Variants in CCDC51 observed in about 807,000 individuals in gnomAD.
CCDC51 encodes coiled-coil domain containing 51, also known as mitochondrial potassium channel.
In CCDC51, 25 loss-of-function variants were observed where a neutral mutation model predicts 24.8. The ratio of observed to expected loss-of-function variants is 1.01; its 90% CI spans 0.73 to 1.41. The LOEUF is 1.41. Ranked by LOEUF, CCDC51 falls within the 40% of genes most tolerant of loss-of-function variation. The pLI, the probability that CCDC51 is intolerant of heterozygous loss-of-function variation, is 0.00. For synonymous variants in CCDC51, 190 were observed against 204.3 expected (o/e 0.93, Z 0.60); for missense variants, 466 against 519.1 (o/e 0.90, Z 0.99).
chr3:48,440,510 C>A, upstream of CCDC51: 1 of 1,605,916 alleles, frequency 6.2e-7, no homozygotes, highest in Non-Finnish European at 8.5e-7. Flanking sequence ...GGGAGACAGG[C>A]CTGAGTTGAA....
At chr3:48,438,059 A>C (rs972335668) in intron 1 of CCDC51, 1 of 151,796 alleles carries the variant, frequency 6.6e-6, no homozygotes, top group Non-Finnish European at 1.5e-5. Context: ...TCTGGCCTTC[A>C]CCTGCTCCTC....
intron 1 of CCDC51, among the ~76,000 whole-genome samples, chr3:48,436,746 C>T (rs2039367262): frequency 6.6e-6 from 1 of 152,236 alleles, no homozygotes; most frequent in Admixed American, 6.5e-5. Context: ...CTTCCTCCAA[C>T]CTTCTCAGCC....
rs747741845 is a variant in CCDC51 at position 48,433,107 on chromosome 3, G to A, written c.537C>T (p.Phe179=). The part of the protein sequence containing the change: ...LRAEDSEREK[F]SLFSAAVRES... ...CCCGCACAGCTGCAGAGAAGAGGGAGAACTTCTCTCGCTCAGAGTCTTCTG... is the reference window on the plus strand; with the variant it reads ...CCCGCACAGCTGCAGAGAAGAGGGAAAACTTCTCTCGCTCAGAGTCTTCTG... The change falls in exon 4 of 4, where the codon TTC becomes TTT. Residue 179 remains phenylalanine, a synonymous_variant. Coordinates refer to ENST00000395694, the MANE Select transcript of CCDC51 (RefSeq NM_001256964.2). This position sits in a 1 kb window ranked among gnomAD's most constrained non-coding sequence, Gnocchi z 4.4. 8.7e-6 allele frequency: 14 copies of A among 1,613,902 alleles called. No individual in the cohort carries two copies. The highest frequency in any genetic ancestry group is 1.2e-5 in the Non-Finnish European group (14 of 1,179,930).
rs529283500 is a variant in CCDC51 at position 48,434,847 on chromosome 3, C to G, written c.282G>C (p.Glu94Asp). 4.0e-5 allele frequency: 65 copies of G among 1,610,456 alleles called. No individual in the cohort carries two copies. Among genetic ancestry groups the G allele is most frequent in the Non-Finnish European group, 5.3e-5 (62 of 1,177,476 alleles). ...DRYEEFVGLN[E>D]VREAQGKVTE... The stretch of plus-strand genomic sequence containing the variant: ...TCACCTTTCCCTGGGCCTCTCGAAC[C>G]TCGTTGAGTCCAACAAACTCTTCAT... The change falls in exon 2 of 4, where the codon GAG becomes GAC. Residue 94 changes from glutamate (E) to aspartate (D), a missense_variant. Glu to Asp is a conservative substitution (Grantham distance 45). Coordinates refer to ENST00000395694, the MANE Select transcript of CCDC51 (RefSeq NM_001256964.2).
chr3:48,432,303 T>C lies in CCDC51; in HGVS notation c.*105A>G, dbSNP rs760064189. On this transcript the variant is annotated 3_prime_UTR_variant, in exon 4 of 4. Transcript: ENST00000395694. ...GCCACACAGATACTGCTCCTTCAGATTGAGGTTGTACATGCCCCCAAAGGC... is the reference window on the plus strand; with the variant it reads ...GCCACACAGATACTGCTCCTTCAGACTGAGGTTGTACATGCCCCCAAAGGC... The C allele has an allele frequency of 4.1e-5, 55 of 1,331,870 alleles. No homozygotes were observed. The highest frequency in any genetic ancestry group is 5.5e-5 in the Non-Finnish European group (53 of 959,986). 82.5% of individuals were successfully genotyped at this position (1,331,870 alleles called of 1,614,324 possible). A position where few individuals can be genotyped will look rare whatever the true frequency, so the allele number is the denominator to read the frequency against.
At chr3:48,445,221 C>T (rs2039647437), upstream of CCDC51, 1 of 152,144 alleles carries the variant, frequency 6.6e-6, no homozygotes, top group Admixed American at 6.6e-5. Flanking sequence ...ATTTCCCTCC[C>T]AGGCCCTTAA....
chr3:48,439,934 C>G, intron 1 of CCDC51, 54 bp downstream of exon 1: 1 of 360,460 alleles, frequency 2.8e-6, no homozygotes, highest in Non-Finnish European at 5.0e-6. Context: ...TCCTTGGTTC[C>G]AGGAAAGCGA....
At position 48,433,679 on chromosome 3, in the gene CCDC51, C is replaced by T. The variant is rs201574175; in HGVS notation, c.477+28G>A. ...CCAGGCTAGGGTCACTGTCCAGGTG[C>T]GAAAGGGCTGCCTCCTGAGGTGCCT... On this transcript the variant is annotated intron_variant, in intron 3 of 3. Transcript: ENST00000395694. This position sits in a 1 kb window ranked among gnomAD's most constrained non-coding sequence, Gnocchi z 4.4. 1.2e-5 allele frequency: 19 copies of T among 1,602,192 alleles called. No individual in the cohort carries two copies. Among genetic ancestry groups the T allele is most frequent in the Non-Finnish European group, 1.5e-5 (18 of 1,173,040 alleles).
chr3:48,445,938 C>A, the CCDC51 span, among the ~76,000 whole-genome samples: 1 of 152,196 alleles, frequency 6.6e-6, no homozygotes, highest in Non-Finnish European at 1.5e-5. Flanking sequence ...AGCTTTACCT[C>A]TGTTCGCCAC....
upstream of CCDC51, chr3:48,441,142 A>G (rs1470778633): frequency 6.5e-6 from 1 of 153,658 alleles, no homozygotes; most frequent in African/African-American, 2.4e-5. Context: ...CAGCCTCCCA[A>G]GTAGCTGGGA....
At chr3:48,440,179 G>A, upstream of CCDC51, 1 of 1,487,562 alleles carries the variant, frequency 6.7e-7, no homozygotes, top group Non-Finnish European at 8.9e-7. Context: ...ATCCGGTAGC[G>A]AGAGTTCAAC....
At chr3:48,438,196 C>T (rs1235048266) in intron 1 of CCDC51, 1 of 152,116 alleles carries the variant, frequency 6.6e-6, no homozygotes, top group Non-Finnish European at 1.5e-5. Flanking sequence ...TAAAAATCAT[C>T]TATGAAAATG....
rs983801187 is a variant in CCDC51 at position 48,435,575 on chromosome 3, G to T, written c.-8-439C>A. 6.6e-6 allele frequency among the ~76,000 whole-genome samples: 1 copy of T among 152,130 alleles called. No homozygotes were observed. Among genetic ancestry groups the T allele is most frequent in the Non-Finnish European group, 1.5e-5 (1 of 68,018 alleles). On this transcript the variant is annotated intron_variant, in intron 1 of 3. Transcript: ENST00000395694. The surrounding 1 kb of genome is among the most constrained non-coding windows in gnomAD (Gnocchi z 4.2). ...CATAAATACTCCCTGCAATGTTGTG[G>T]AACTCAGGGGAATTCAGGAAGACTA...
upstream of CCDC51, among the ~76,000 whole-genome samples, chr3:48,444,667 C>T (rs886315393): frequency 2.6e-5 from 4 of 152,214 alleles, no homozygotes; most frequent in Non-Finnish European, 4.4e-5. Context: ...TCATGTAAGG[C>T]GTCTGCTATA....
At position 48,435,349 on chromosome 3, in the gene CCDC51, G is replaced by A. The variant is rs1233162208; in HGVS notation, c.-8-213C>T. Among the ~76,000 whole-genome samples, 2 of 152,108 alleles carry A rather than the reference G, an allele frequency of 1.3e-5. No individual in the cohort carries two copies. Among genetic ancestry groups the A allele is most frequent in the Non-Finnish European group, 2.9e-5 (2 of 68,000 alleles). On this transcript the variant is annotated intron_variant, in intron 1 of 3. Coordinates refer to ENST00000395694, the MANE Select transcript of CCDC51 (RefSeq NM_001256964.2). The surrounding 1 kb of genome is among the most constrained non-coding windows in gnomAD (Gnocchi z 4.2). ...CTCTTGGACAATGGAACACAGTTGG[G>A]GACGAGCCTCTAGGATGCCATACCT...
At chr3:48,440,290 A>C, upstream of CCDC51, 3 of 1,603,630 alleles carry the variant, frequency 1.9e-6, no homozygotes, top group African/African-American at 1.3e-5. Flanking sequence ...AAGCGGCGGC[A>C]GGCGCCATGT....
chr3:48,441,640 C>G (rs540083992), upstream of CCDC51, among the ~76,000 whole-genome samples: 3 of 152,158 alleles, frequency 2.0e-5, no homozygotes, highest in African/African-American at 7.2e-5. Context: ...AATCCTCCAC[C>G]TTTTTTACAT....
At position 48,440,091 on chromosome 3, in the gene CCDC51, C is replaced by G. The variant is rs991255981; in HGVS notation, c.-112G>C. 1 of 802,980 alleles carries G rather than the reference C, an allele frequency of 1.2e-6. No individual in the cohort carries two copies. The highest frequency in any genetic ancestry group is 1.9e-6 in the Non-Finnish European group (1 of 525,536). 49.7% of individuals were successfully genotyped at this position (802,980 alleles called of 1,614,324 possible). A position where few individuals can be genotyped will look rare whatever the true frequency, so the allele number is the denominator to read the frequency against. On this transcript the variant is annotated 5_prime_UTR_variant, in exon 1 of 4. Coordinates refer to ENST00000395694, the MANE Select transcript of CCDC51 (RefSeq NM_001256964.2). ...CCCTGGCAGGACAACCCTAGCTCCT[C>G]GTACCTGGCGTGGCCCGACCAATCG...
upstream of CCDC51, chr3:48,440,466 CG>C: frequency 1.2e-6 from 2 of 1,611,660 alleles, no homozygotes; most frequent in Non-Finnish European, 1.7e-6. Flanking sequence ...GAGGTGAGGG[CG>C]GGCGCGGAGG....
Sources: allele counts gnomAD v4.1 joint callset (sites outside exome capture counted in the v4.1 genomes callset), GRCh38; gene constraint gnomAD v4.1.1; non-coding constraint Gnocchi (gnomAD v3.1); transcripts MANE v1.5; gene names NCBI Gene and HGNC (gene_info 2026-07-23, HGNC 2026-07-21).